ARHGAP28: variants seen among roughly 807,000 people sequenced by gnomAD.
ARHGAP28 encodes the protein Rho GTPase activating protein 28, also known as rho GTPase-activating protein 28.
Under a neutral mutation model 90.7 loss-of-function variants are expected in ARHGAP28, and 56 were observed. That is an observed-to-expected ratio of 0.62 (90% CI 0.50 to 0.77). The LOEUF (loss-of-function observed/expected upper bound fraction) is 0.77, where lower values mean the gene tolerates loss of function less well. Ranked by LOEUF, ARHGAP28 falls within the 30% of genes least tolerant of loss-of-function variation. ARHGAP28 has a pLI of 0.00. For missense variants in ARHGAP28, 869 were observed against 900.9 expected, an observed-to-expected ratio of 0.96 and a Z score of 0.45; for synonymous variants, 308 against 323.3, an observed-to-expected ratio of 0.95 and a Z score of 0.51.
At chr18:6,879,521 C>T (rs73386330) in intron 10 of ARHGAP28, among the ~76,000 whole-genome samples, 5,991 of 152,262 alleles carry the variant, frequency 0.039, 360 homozygotes, top group African/African-American at 0.14. Context: ...TCATACCCGG[C>T]TGACATGGTT....
At position 6,906,267 on chromosome 18, in the gene ARHGAP28, G is replaced by A. The variant is rs1466257002; in HGVS notation, c.2031-2693G>A. Among the ~76,000 whole-genome samples, 3 of 152,120 alleles carry A rather than the reference G, an allele frequency of 2.0e-5. No individual in the cohort carries two copies. The East Asian group carries it at 5.8e-4, about 29-fold the overall frequency. On this transcript the variant is annotated intron_variant, in intron 16 of 17. Transcript: ENST00000383472. ...AAATAGGCCCATCTGATTTTTAAAAGATTTTTATTGTAAACTATACATAAC... is the reference window on the plus strand; with the variant it reads ...AAATAGGCCCATCTGATTTTTAAAAAATTTTTATTGTAAACTATACATAAC...
At chr18:6,879,731 G>T (rs1422494304) in intron 10 of ARHGAP28, among the ~76,000 whole-genome samples, 1 of 152,240 alleles carries the variant, frequency 6.6e-6, no homozygotes, top group African/African-American at 2.4e-5. Flanking sequence ...GGAGGGGCGA[G>T]CAGCCAGTGC....
At chr18:6,823,342 G>C (rs548869261) in intron 1 of ARHGAP28, among the ~76,000 whole-genome samples, 2 of 151,994 alleles carry the variant, frequency 1.3e-5, no homozygotes, top group East Asian at 3.9e-4. Flanking sequence ...TTTTCACTTA[G>C]CACAATGTCC....
intron 2 of ARHGAP28, among the ~76,000 whole-genome samples, chr18:6,831,810 G>A (rs2056718988): frequency 6.6e-6 from 1 of 152,024 alleles, no homozygotes; most frequent in East Asian, 1.9e-4. Flanking sequence ...CATGTTCCCA[G>A]TTTTACAGGG....
chr18:6,814,473 A>T (rs1179581744), intron 1 of ARHGAP28, among the ~76,000 whole-genome samples: 1 of 152,206 alleles, frequency 6.6e-6, no homozygotes. Flanking sequence ...ATCAAGCAGA[A>T]TTTATACATT....
At chr18:6,880,517 G>C (rs1222946602) in intron 10 of ARHGAP28, among the ~76,000 whole-genome samples, 1 of 152,182 alleles carries the variant, frequency 6.6e-6, no homozygotes, top group Admixed American at 6.5e-5. Context: ...CCCGTGCTTA[G>C]AGATGTTCCA....
chr18:6,890,584 G>C lies in ARHGAP28; in HGVS notation c.1848+41G>C, dbSNP rs761806764. The C allele has an allele frequency of 3.0e-6, 4 of 1,313,324 alleles. No homozygotes were observed. The Admixed American group carries it at 6.2e-5, about 20-fold the overall frequency. 81.4% of individuals were successfully genotyped at this position (1,313,324 alleles called of 1,614,324 possible). A position where few individuals can be genotyped will look rare whatever the true frequency, so the allele number is the denominator to read the frequency against. On this transcript the variant is annotated intron_variant, in intron 14 of 17. Transcript: ENST00000383472. ...AGGCATGGCGATTGTCCACTGCCTA[G>C]ATTTGTACTCCTCAAAGGGGGGCAC... is the stretch of plus-strand genomic sequence containing the variant.
intron 1 of ARHGAP28, among the ~76,000 whole-genome samples, chr18:6,741,977 G>A (rs2055981611): frequency 6.6e-6 from 1 of 152,130 alleles, no homozygotes; most frequent in Non-Finnish European, 1.5e-5. Flanking sequence ...TGGAGAAATG[G>A]TTTAGAAGGG....
intron 11 of ARHGAP28, among the ~76,000 whole-genome samples, chr18:6,882,648 G>C (rs771743499): frequency 2.6e-5 from 4 of 152,130 alleles, no homozygotes; most frequent in Non-Finnish European, 4.4e-5. Flanking sequence ...GGTTGCCGTG[G>C]ATATTGAATG....
At chr18:6,832,098 G>A (rs1340193686) in intron 2 of ARHGAP28, among the ~76,000 whole-genome samples, 1 of 151,866 alleles carries the variant, frequency 6.6e-6, no homozygotes, top group Non-Finnish European at 1.5e-5. Context: ...TTTTGAATAT[G>A]TACAGTTCTT....
intron 3 of ARHGAP28, among the ~76,000 whole-genome samples, chr18:6,840,741 G>A (rs2056801095): frequency 6.6e-6 from 1 of 152,110 alleles, no homozygotes; most frequent in Non-Finnish European, 1.5e-5. Flanking sequence ...GGAAGTGGGT[G>A]GGCACAGGAG....
chr18:6,889,253 C>A (rs1321997119), intron 12 of ARHGAP28, among the ~76,000 whole-genome samples: 1 of 152,032 alleles, frequency 6.6e-6, no homozygotes. Context: ...TTATATTAAG[C>A]TTTCTCAATT....
At chr18:6,828,022 C>G (rs1267865695) in intron 2 of ARHGAP28, among the ~76,000 whole-genome samples, 2 of 152,014 alleles carry the variant, frequency 1.3e-5, no homozygotes, top group Non-Finnish European at 2.9e-5. Context: ...GAGGTTGTAG[C>G]GAGCCGAGAT....
intron 1 of ARHGAP28, among the ~76,000 whole-genome samples, chr18:6,734,322 G>A (rs2055907853): frequency 6.6e-6 from 1 of 152,002 alleles, no homozygotes; most frequent in African/African-American, 2.4e-5. Flanking sequence ...AAATAATGAA[G>A]TACAATGTTT....
chr18:6,841,182 TC>T lies in ARHGAP28; in HGVS notation c.543+3769del, dbSNP rs2056815145. ...TTCTCTCTCTCCTCTCTCTCTCTCCTCTCTCTCTCTCTCTCTCTCTCCTCTC... is the reference window on the plus strand; with the variant it reads ...TTCTCTCTCTCCTCTCTCTCTCTCCTTCTCTCTCTCTCTCTCTCTCCTCTC... On this transcript the variant is annotated intron_variant, in intron 3 of 17. Coordinates refer to ENST00000383472, the MANE Select transcript of ARHGAP28 (RefSeq NM_001366230.1). Among the ~76,000 whole-genome samples, 6 of 44,232 alleles carry T rather than the reference TC, an allele frequency of 1.4e-4. No individual in the cohort carries two copies. In the East Asian group the frequency reaches 4.2e-3, roughly 31 times the overall value. The allele number at this position is 44,232 out of a possible 152,430, so 29.0% of individuals were successfully genotyped here.
At chr18:6,847,932 G>A (rs1163546853) in intron 3 of ARHGAP28, among the ~76,000 whole-genome samples, 1 of 152,102 alleles carries the variant, frequency 6.6e-6, no homozygotes, top group Non-Finnish European at 1.5e-5. Context: ...CCTCTCTCTG[G>A]GAGGTAATGT....
intron 2 of ARHGAP28, among the ~76,000 whole-genome samples, chr18:6,832,453 T>G (rs1008244790): frequency 6.6e-6 from 1 of 152,072 alleles, no homozygotes; most frequent in Non-Finnish European, 1.5e-5. Flanking sequence ...TATTATGTTC[T>G]TACTAATCTT....
At chr18:6,884,704 A>C (rs1381934377) in intron 11 of ARHGAP28, among the ~76,000 whole-genome samples, 1 of 152,140 alleles carries the variant, frequency 6.6e-6, no homozygotes, top group Non-Finnish European at 1.5e-5. Flanking sequence ...CCACACACGC[A>C]TGGTTTGTGG....
rs2055859297 is a variant in ARHGAP28, at chr18:6,729,812, G to A, written c.-10G>A. 7.1e-7 allele frequency: 1 copy of A among 1,402,352 alleles called. No individual in the cohort carries two copies. The highest frequency in any genetic ancestry group is 3.0e-5 in the Admixed American group (1 of 33,544). The allele number at this position is 1,402,352 out of a possible 1,614,324, so 86.9% of individuals were successfully genotyped here. ...TTCTGGGGCCGGCGCCGAGACATGC[G>A]CGGCTGACGATGGAGGTGGAGGACT... On this transcript the variant is annotated 5_prime_UTR_variant, in exon 1 of 18. Coordinates refer to ENST00000383472, the MANE Select transcript of ARHGAP28 (RefSeq NM_001366230.1).
Sources: gnomAD v4.1 joint callset for allele counts (sites outside exome capture counted in the v4.1 genomes callset) on GRCh38, gnomAD v4.1.1 for gene constraint, MANE v1.5 for transcripts, NCBI Gene and HGNC (gene_info 2026-07-23, HGNC 2026-07-21) for gene names.